The following EXT1 variants were observed in gnomAD, a reference collection of about 807,000 sequenced individuals.
EXT1 encodes exostosin glycosyltransferase 1.
EXT1 carries 20 observed loss-of-function variants against 82.5 expected under a neutral mutation model. The ratio of observed to expected loss-of-function variants is 0.24; its 90% CI spans 0.17 to 0.35. EXT1 has a LOEUF of 0.35. Ranked by LOEUF, EXT1 falls within the 10% of genes least tolerant of loss-of-function variation. The pLI, the probability that EXT1 is intolerant of heterozygous loss-of-function variation, is 1.00. For synonymous variants in EXT1, 348 were observed against 350.8 expected (o/e 0.99, Z 0.09); for missense variants, 757 against 936.5 (o/e 0.81, Z 2.50).
chr8:117,984,785 G>C (rs919543250), intron 1 of EXT1, among the ~76,000 whole-genome samples: 1 of 152,110 alleles, frequency 6.6e-6, no homozygotes, highest in Non-Finnish European at 1.5e-5. Context: ...GACTGGACAG[G>C]ATTTGAAAGA....
chr8:117,999,721 A>T (rs1258314718), intron 1 of EXT1, among the ~76,000 whole-genome samples: 1 of 152,088 alleles, frequency 6.6e-6, no homozygotes, highest in Non-Finnish European at 1.5e-5. Flanking sequence ...TTTCAGCCTG[A>T]TTTGTATTGT....
At chr8:117,934,467 C>T (rs944938199) in intron 1 of EXT1, among the ~76,000 whole-genome samples, 5 of 152,198 alleles carry the variant, frequency 3.3e-5, no homozygotes, top group East Asian at 1.9e-4. Flanking sequence ...CAGACCAGGA[C>T]GTGGTTTCCC....
At chr8:117,974,667 G>T (rs569131758) in intron 1 of EXT1, among the ~76,000 whole-genome samples, 100 of 152,154 alleles carry the variant, frequency 6.6e-4, no homozygotes, top group African/African-American at 2.2e-3. Flanking sequence ...GGGTTTCATT[G>T]TGTTGCCCAG....
rs1310020966 is a variant in EXT1, at chr8:117,930,761, G to T, written c.963-93560C>A. On this transcript the variant is annotated intron_variant, in intron 1 of 10. Coordinates refer to ENST00000378204, the MANE Select transcript of EXT1 (RefSeq NM_000127.3). ...TACTAGGAGGCTGCATTCCCGGAAG[G>T]TTAGTTGTGTTTAGTCATAGGGCGA... Among the ~76,000 whole-genome samples, 3 of 152,180 alleles carry T rather than the reference G, an allele frequency of 2.0e-5. No individual in the cohort carries two copies. The East Asian group carries it at 5.8e-4, about 29-fold the overall frequency.
At chr8:118,045,883 A>G (rs1208885670) in intron 1 of EXT1, among the ~76,000 whole-genome samples, 3 of 151,268 alleles carry the variant, frequency 2.0e-5, no homozygotes, top group African/African-American at 7.3e-5. Context: ...GCAACCTTCA[A>G]CTCCCAGGTT....
At chr8:118,066,375 T>TATTA (rs1554598124) in intron 1 of EXT1, among the ~76,000 whole-genome samples, 2 of 149,112 alleles carry the variant, frequency 1.3e-5, no homozygotes, top group African/African-American at 5.0e-5. Context: ...TTTATTTATT[T>TATTA]ATTAGACAGA....
chr8:117,877,133 C>A (rs28584193), intron 1 of EXT1, among the ~76,000 whole-genome samples: 227 of 152,256 alleles, frequency 1.5e-3, no homozygotes, highest in Non-Finnish European at 2.3e-3. Context: ...ATCTTTTGCA[C>A]GCTGCTTTCC....
At chr8:118,079,019 T>G (rs1489440843) in intron 1 of EXT1, among the ~76,000 whole-genome samples, 1 of 152,242 alleles carries the variant, frequency 6.6e-6, no homozygotes, top group Non-Finnish European at 1.5e-5. Flanking sequence ...CTGTTTTTGC[T>G]GTAAAAGTTC....
At position 118,020,923 on chromosome 8, in the gene EXT1, G is replaced by A. The variant is rs186056088; in HGVS notation, c.962+89162C>T. On this transcript the variant is annotated intron_variant, in intron 1 of 10. Transcript: ENST00000378204. ...TACTTCGCAAATTCTTCGGCATCAC[G>A]TGGGGAAGATAGAGTTAAACCAAAT... is the stretch of plus-strand genomic sequence containing the variant. Among the ~76,000 whole-genome samples, 44 of 152,310 alleles carry A rather than the reference G, an allele frequency of 2.9e-4. No homozygotes were observed. The East Asian group carries it at 7.9e-3, about 27-fold the overall frequency.
intron 5 of EXT1, among the ~76,000 whole-genome samples, chr8:117,820,188 C>G (rs1221206187): frequency 6.6e-6 from 1 of 152,130 alleles, no homozygotes; most frequent in East Asian, 1.9e-4. Flanking sequence ...TGAAAGGGTT[C>G]TACCTGACTA....
chr8:117,987,342 C>A (rs1324730621), intron 1 of EXT1, among the ~76,000 whole-genome samples: 1 of 152,208 alleles, frequency 6.6e-6, no homozygotes. Context: ...TCCTCCAACT[C>A]CTTGCACAGC....
intron 1 of EXT1, among the ~76,000 whole-genome samples, chr8:117,955,530 A>G (rs993362158): frequency 1.3e-5 from 2 of 152,080 alleles, no homozygotes; most frequent in African/African-American, 4.8e-5. Context: ...GGAAATTACA[A>G]GGGTTTTAGC....
rs140777989 is a variant in EXT1 at position 117,935,472 on chromosome 8, C to A, written c.963-98271G>T. Among the ~76,000 whole-genome samples, 895 of 152,072 alleles carry A rather than the reference C, an allele frequency of 5.9e-3. 12 individuals carry two copies. The highest frequency in any genetic ancestry group is 0.021 in the African/African-American group (862 of 41,486). On this transcript the variant is annotated intron_variant, in intron 1 of 10. Coordinates refer to ENST00000378204, the MANE Select transcript of EXT1 (RefSeq NM_000127.3). The stretch of plus-strand genomic sequence containing the variant: ...AGTGGTTGGGAGGTGTGCACCAACA[C>A]GCCTGGTACACAGGTATGCACCAAC...
intron 1 of EXT1, among the ~76,000 whole-genome samples, chr8:118,060,633 A>AGCAAG (rs774859802): frequency 4.6e-5 from 7 of 152,276 alleles, no homozygotes; most frequent in Non-Finnish European, 7.4e-5. Flanking sequence ...GGTAAGGGCC[A>AGCAAG]TTTACATTTG....
At chr8:118,054,249 A>G (rs1253880216) in intron 1 of EXT1, among the ~76,000 whole-genome samples, 1 of 152,188 alleles carries the variant, frequency 6.6e-6, no homozygotes, top group African/African-American at 2.4e-5. Flanking sequence ...CTAGGAAGCC[A>G]TCTTTCCTAG....
intron 9 of EXT1, among the ~76,000 whole-genome samples, chr8:117,806,578 A>G (rs577133686): frequency 1.0e-3 from 159 of 152,154 alleles, no homozygotes; most frequent in Non-Finnish European, 2.0e-3. Flanking sequence ...GTTCTCCAGT[A>G]TTCTGCCTCA....
intron 1 of EXT1, among the ~76,000 whole-genome samples, chr8:118,047,674 T>C (rs577242380): frequency 2.6e-5 from 4 of 152,056 alleles, no homozygotes; most frequent in Admixed American, 1.3e-4. Context: ...TCCCCAACAC[T>C]CACTTGGGGA....
chr8:118,015,352 T>C (rs1355176576), intron 1 of EXT1, among the ~76,000 whole-genome samples: 1 of 152,210 alleles, frequency 6.6e-6, no homozygotes. Flanking sequence ...GTATCACTTC[T>C]TCCCCGCAAA....
intron 3 of EXT1, chr8:117,831,729 C>A: frequency 2.1e-6 from 1 of 467,334 alleles, no homozygotes; most frequent in South Asian, 1.6e-5. Context: ...AAGACTGTAA[C>A]AGAGTTTCCA....
Sources: allele counts gnomAD v4.1 joint callset (sites outside exome capture counted in the v4.1 genomes callset), GRCh38; gene constraint gnomAD v4.1.1; transcripts MANE v1.5; gene names NCBI Gene and HGNC (gene_info 2026-07-23, HGNC 2026-07-21).